Variants in SCFD2 observed in about 807,000 individuals in gnomAD.
The protein encoded by SCFD2 is sec1 family domain-containing protein 2.
SCFD2 carries 54 observed loss-of-function variants against 58.9 expected under a neutral mutation model. That is an observed-to-expected ratio of 0.92 (90% CI 0.74 to 1.15). SCFD2 has a LOEUF of 1.15. Ranked by LOEUF, SCFD2 falls within the 50% of genes most tolerant of loss-of-function variation. The pLI is 0.00. For missense variants in SCFD2, 805 were observed against 836.6 expected (o/e 0.96, Z 0.47); for synonymous variants, 321 against 335.9 (o/e 0.96, Z 0.49).
At chr4:53,231,263 T>C (rs1354671309) in intron 4 of SCFD2, among the ~76,000 whole-genome samples, 1 of 152,188 alleles carries the variant, frequency 6.6e-6, no homozygotes, top group Non-Finnish European at 1.5e-5. Flanking sequence ...CCTTATTATT[T>C]AACTTGCTCG....
chr4:53,082,966 T>C (rs1724192192), intron 5 of SCFD2, among the ~76,000 whole-genome samples: 1 of 27,776 alleles, frequency 3.6e-5, no homozygotes, highest in Admixed American at 6.5e-4. Flanking sequence ...TTATAATAAA[T>C]ATCTGTCTCT....
intron 1 of SCFD2, among the ~76,000 whole-genome samples, chr4:53,361,681 C>T (rs895337199): frequency 3.3e-5 from 5 of 152,152 alleles, no homozygotes; most frequent in Admixed American, 6.5e-5. Flanking sequence ...CCACCACACC[C>T]GGTAAGAAGT....
intron 5 of SCFD2, among the ~76,000 whole-genome samples, chr4:53,119,468 G>A (rs1354290979): frequency 2.6e-5 from 4 of 152,066 alleles, no homozygotes; most frequent in Non-Finnish European, 4.4e-5. Flanking sequence ...GCGACAGAAC[G>A]AGACTGTTTC....
At chr4:52,988,153 C>A (rs1209960851) in intron 5 of SCFD2, among the ~76,000 whole-genome samples, 1 of 152,176 alleles carries the variant, frequency 6.6e-6, no homozygotes, top group Non-Finnish European at 1.5e-5. Flanking sequence ...GCCAGACACA[C>A]CTCCCGTCAT....
At chr4:53,092,578 T>C (rs1724505510) in intron 5 of SCFD2, among the ~76,000 whole-genome samples, 2 of 152,204 alleles carry the variant, frequency 1.3e-5, no homozygotes, top group South Asian at 4.1e-4. Flanking sequence ...AAACAAACTG[T>C]GCTACATATA....
At chr4:53,202,379 G>A (rs1450459511) in intron 4 of SCFD2, among the ~76,000 whole-genome samples, 20 of 151,670 alleles carry the variant, frequency 1.3e-4, no homozygotes, top group Non-Finnish European at 1.0e-4. Flanking sequence ...TGTTCCATTG[G>A]TCTATATCTC....
intron 2 of SCFD2, among the ~76,000 whole-genome samples, chr4:53,341,778 C>A (rs1733883943): frequency 6.6e-6 from 1 of 152,160 alleles, no homozygotes; most frequent in Admixed American, 6.5e-5. Context: ...ACTCTACAAG[C>A]CAGAAGAGAG....
intron 6 of SCFD2, among the ~76,000 whole-genome samples, 177 bp from the exon 7 acceptor site, chr4:52,907,768 T>C (rs190462573): frequency 1.4e-3 from 217 of 151,956 alleles, no homozygotes; most frequent in African/African-American, 5.0e-3. Flanking sequence ...TATAACAACA[T>C]TGGGCTTTTA....
At chr4:53,231,148 T>C (rs974875745) in intron 4 of SCFD2, among the ~76,000 whole-genome samples, 1 of 152,130 alleles carries the variant, frequency 6.6e-6, no homozygotes, top group Admixed American at 6.6e-5. Context: ...GTAGGATATA[T>C]ATCCCTTATA....
At chr4:53,179,206 AC>A (rs1727455081) in intron 4 of SCFD2, among the ~76,000 whole-genome samples, 1 of 152,206 alleles carries the variant, frequency 6.6e-6, no homozygotes, top group African/African-American at 2.4e-5. Flanking sequence ...TGTCAGATTC[AC>A]CAAAGTTGAA....
intron 5 of SCFD2, among the ~76,000 whole-genome samples, chr4:53,020,648 C>T (rs946469784): frequency 4.6e-5 from 7 of 152,132 alleles, no homozygotes; most frequent in African/African-American, 1.4e-4. Flanking sequence ...CAGTCCTTTC[C>T]TTCCTGGGTA....
At chr4:53,062,391 C>CAATAATAATAATAATAAT (rs60077342) in intron 5 of SCFD2, among the ~76,000 whole-genome samples, 5 of 149,786 alleles carry the variant, frequency 3.3e-5, no homozygotes, top group Non-Finnish European at 7.4e-5. Context: ...CGTACAATAA[C>CAATAATAATAATAATAAT]AATAATAATA....
chr4:52,925,811 C>A (rs1719849493), intron 5 of SCFD2, among the ~76,000 whole-genome samples: 1 of 152,076 alleles, frequency 6.6e-6, no homozygotes, highest in Admixed American at 6.5e-5. Flanking sequence ...ATAGGGGAGG[C>A]CCTCAAACCC....
At chr4:53,142,664 A>T (rs1577771286) in intron 5 of SCFD2, among the ~76,000 whole-genome samples, 1 of 152,210 alleles carries the variant, frequency 6.6e-6, no homozygotes, top group African/African-American at 2.4e-5. Flanking sequence ...CACTGCCCCA[A>T]TACTATGTTT....
chr4:52,877,517 C>T (rs1718501399), intron 8 of SCFD2, among the ~76,000 whole-genome samples: 1 of 152,186 alleles, frequency 6.6e-6, no homozygotes, highest in Non-Finnish European at 1.5e-5. Context: ...CTTAACCACA[C>T]TGAGCCTCAA....
At chr4:53,202,621 T>C (rs1181762798) in intron 4 of SCFD2, among the ~76,000 whole-genome samples, 3 of 152,222 alleles carry the variant, frequency 2.0e-5, no homozygotes, top group Non-Finnish European at 4.4e-5. Context: ...TTGGGCAGTA[T>C]GGCCATTTTC....
At chr4:53,126,308 C>T (rs1321032984) in intron 5 of SCFD2, among the ~76,000 whole-genome samples, 4 of 152,072 alleles carry the variant, frequency 2.6e-5, no homozygotes, top group South Asian at 2.1e-4. Context: ...TGGCAGATTG[C>T]GTTAAGTTAC....
intron 5 of SCFD2, among the ~76,000 whole-genome samples, chr4:52,945,479 C>A (rs185182638): frequency 6.6e-6 from 1 of 152,212 alleles, no homozygotes; most frequent in Non-Finnish European, 1.5e-5. Flanking sequence ...ATTCCATATC[C>A]TTGTCATGGC....
chr4:52,917,154 A>G (rs1258950828), intron 6 of SCFD2, among the ~76,000 whole-genome samples: 1 of 151,882 alleles, frequency 6.6e-6, no homozygotes, highest in East Asian at 1.9e-4. Flanking sequence ...TTATTCTTTC[A>G]CCTCAGCCTC....
Sources: gnomAD v4.1 joint callset for allele counts (sites outside exome capture counted in the v4.1 genomes callset) on GRCh38, gnomAD v4.1.1 for gene constraint, MANE v1.5 for transcripts, NCBI Gene and HGNC (gene_info 2026-07-23, HGNC 2026-07-21) for gene names.